GOSR2: variants seen among roughly 807,000 people sequenced by gnomAD.
The protein encoded by GOSR2 is 27 kDa Golgi SNARE protein.
A neutral mutation model predicts 27.9 loss-of-function variants in GOSR2; 20 were observed. The ratio of observed to expected loss-of-function variants is 0.72; its 90% CI spans 0.50 to 1.04. GOSR2 has a LOEUF of 1.04. GOSR2 is among the 50% of genes least tolerant of loss of function. GOSR2 has a pLI of 0.00. For synonymous variants in GOSR2, 91 were observed against 98.8 expected (o/e 0.92, Z 0.47); for missense variants, 261 against 270.5 (o/e 0.97, Z 0.25).
intron 5 of GOSR2, chr17:46,936,637 A>G (rs2147006759): frequency 8.1e-6 from 8 of 985,404 alleles, no homozygotes; most frequent in Non-Finnish European, 9.6e-6. Context: ...GTGGCTGAAA[A>G]TGAATACATT....
chr17:46,932,102 T>C lies in GOSR2; in HGVS notation c.239T>C (p.Leu80Pro). 6.2e-7 allele frequency: 1 copy of C among 1,613,480 alleles called. No individual in the cohort carries two copies. The highest frequency in any genetic ancestry group is 1.3e-5 in the African/African-American group (1 of 75,032). ...CAGTTAAAGTATGATGTCCAGCACCTGCAGACTGCGCTCAGAAACTTCCAG... is the reference window on the plus strand; with the variant it reads ...CAGTTAAAGTATGATGTCCAGCACCCGCAGACTGCGCTCAGAAACTTCCAG... ...VDQLKYDVQH[L>P]QTALRNFQHR... The change falls in exon 4 of 6, where the codon CTG (leucine) becomes CCG (proline). Residue 80 changes from leucine to proline, a missense_variant. By Grantham distance (98) the Leu-to-Pro change is moderately conservative. Transcript: ENST00000640051.
intron 6 of GOSR2, among the ~76,000 whole-genome samples, chr17:46,966,144 G>A (rs1042095236): frequency 2.0e-5 from 3 of 152,064 alleles, no homozygotes. Context: ...GTACTATTTC[G>A]TGATTGAGGG....
chr17:46,947,550 CT>C (rs2090005870), intron 6 of GOSR2, among the ~76,000 whole-genome samples: 1 of 152,138 alleles, frequency 6.6e-6, no homozygotes, highest in Non-Finnish European at 1.5e-5. Context: ...TGGACATGAT[CT>C]TTTTAGGTGC....
At chr17:46,948,747 C>T (rs1401805685) in intron 6 of GOSR2, 1 of 152,176 alleles carries the variant, frequency 6.6e-6, no homozygotes, top group African/African-American at 2.4e-5. Context: ...GTAGTAAGAA[C>T]TGTGGATGTG....
chr17:46,973,619 G>A (rs16941390), intron 6 of GOSR2, among the ~76,000 whole-genome samples: 4,665 of 152,152 alleles, frequency 0.031, 129 homozygotes, highest in African/African-American at 0.074. Context: ...AGAACACCCC[G>A]CAATGCTGTC....
intron 1 of GOSR2, among the ~76,000 whole-genome samples, chr17:46,929,258 T>C (rs563389994): frequency 1.3e-5 from 2 of 152,314 alleles, no homozygotes; most frequent in East Asian, 3.9e-4. Flanking sequence ...TAATGGTACT[T>C]TCCTCATAGG....
chr17:46,958,386 A>G (rs1436977113), intron 6 of GOSR2, among the ~76,000 whole-genome samples: 1 of 152,250 alleles, frequency 6.6e-6, no homozygotes, highest in African/African-American at 2.4e-5. Flanking sequence ...GGGAGCTAGC[A>G]AAGAAGACTG....
chr17:46,951,388 G>T (rs1445440255), intron 6 of GOSR2, among the ~76,000 whole-genome samples: 1 of 152,142 alleles, frequency 6.6e-6, no homozygotes, highest in East Asian at 1.9e-4. Flanking sequence ...CATCCTTAAA[G>T]ATTCCCACCC....
intron 4 of GOSR2, 28 bp downstream of exon 4, chr17:46,932,227 C>A: frequency 6.2e-7 from 1 of 1,613,502 alleles, no homozygotes; most frequent in South Asian, 1.1e-5. Context: ...TGAGGGTCGG[C>A]CTGCACTTGA....
intron 6 of GOSR2, among the ~76,000 whole-genome samples, chr17:46,951,840 C>G (rs1329974001): frequency 6.6e-6 from 1 of 152,164 alleles, no homozygotes; most frequent in Non-Finnish European, 1.5e-5. Flanking sequence ...CGCCTTTCAG[C>G]CTTGCAAGAA....
intron 5 of GOSR2, chr17:46,937,472 A>G (rs1014706931): frequency 6.6e-6 from 1 of 152,216 alleles, no homozygotes; most frequent in African/African-American, 2.4e-5. Context: ...TAAGGTATAC[A>G]GATCATATTT....
intron 6 of GOSR2, among the ~76,000 whole-genome samples, chr17:46,972,014 G>C (rs879820276): frequency 5.9e-5 from 9 of 152,170 alleles, no homozygotes; most frequent in Non-Finnish European, 8.8e-5. Context: ...CAGGGCACGT[G>C]GGGGAGAGGG....
At chr17:46,946,617 C>T (rs1337215345), downstream of GOSR2, among the ~76,000 whole-genome samples, 1 of 152,092 alleles carries the variant, frequency 6.6e-6, no homozygotes, top group Non-Finnish European at 1.5e-5. Flanking sequence ...AATCCCAGCA[C>T]TTTGGGAGGC....
At position 46,974,115 on chromosome 17, in the gene GOSR2, A is replaced by T. The variant is rs186131119; in HGVS notation, c.616-1084A>T. Among the ~76,000 whole-genome samples the T allele has an allele frequency of 1.8e-4, 27 of 152,352 alleles. No homozygotes were observed. In the East Asian group the frequency reaches 3.7e-3, roughly 21 times the overall value. On this transcript the variant is annotated intron_variant, in intron 6 of 6. Coordinates refer to the GOSR2 transcript ENST00000640723. ...GGGGACATCTTGCTGGTGAAGGCAC[A>T]GCTGACCCCAGAAGTACTATCCCCG...
Position 46,941,034 on chromosome 17 carries a change from A to C in GOSR2, c.*2274A>C. On this transcript the variant is annotated 3_prime_UTR_variant, in exon 6 of 6. Transcript: ENST00000640051. ...GAGGCGGGGGTGAATTCTTAGGTCG[A>C]GCTGATGCAAGAAACTCCGGTAGCC... 1 of 1,092,444 alleles carries C rather than the reference A, an allele frequency of 9.2e-7. No individual in the cohort carries two copies. The highest frequency in any genetic ancestry group is 1.1e-6 in the Non-Finnish European group (1 of 892,996). 67.7% of individuals were successfully genotyped at this position (1,092,444 alleles called of 1,614,324 possible). A position where few individuals can be genotyped will look rare whatever the true frequency, so the allele number is the denominator to read the frequency against.
downstream of GOSR2, among the ~76,000 whole-genome samples, chr17:46,945,137 T>C (rs1021511279): frequency 2.0e-5 from 3 of 152,054 alleles, no homozygotes; most frequent in African/African-American, 7.2e-5. Context: ...CAGGAGATGA[T>C]GTGGGAGCAG....
chr17:46,953,042 AT>A (rs1232748474), intron 6 of GOSR2, among the ~76,000 whole-genome samples: 3 of 151,820 alleles, frequency 2.0e-5, no homozygotes, highest in African/African-American at 4.8e-5. Flanking sequence ...ATTATTTTTT[AT>A]TTTTTTATTT....
rs147793949 is a variant in GOSR2, at chr17:46,942,007, C to T, written c.*3247C>T. The T allele has an allele frequency of 1.1e-6, 1 of 952,122 alleles. No individual in the cohort carries two copies. The highest frequency in any genetic ancestry group is 1.8e-5 in the African/African-American group (1 of 56,758). The allele number at this position is 952,122 out of a possible 1,614,324, so 59.0% of individuals were successfully genotyped here. ...TTGTTAAGTCCAAAATAAATTCTTA[C>T]TGTTTATATCCTACCTTAGTCCAAA... On this transcript the variant is annotated 3_prime_UTR_variant, in exon 6 of 6. Transcript: ENST00000640051.
chr17:46,931,677 C>T, intron 3 of GOSR2: 1 of 319,600 alleles, frequency 3.1e-6, no homozygotes. Flanking sequence ...GCGCCTGTTT[C>T]CAAAAGTTTT....
Sources: allele counts gnomAD v4.1 joint callset (sites outside exome capture counted in the v4.1 genomes callset), GRCh38; gene constraint gnomAD v4.1.1; transcripts MANE v1.5; gene names NCBI Gene and HGNC (gene_info 2026-07-23, HGNC 2026-07-21).